Variants in SERINC4 observed in about 807,000 individuals in gnomAD.
SERINC4 encodes the protein serine incorporator 4.
A neutral mutation model predicts 52.0 loss-of-function variants in SERINC4; 52 were observed. That is an observed-to-expected ratio of 1.00 (90% CI 0.80 to 1.26). The LOEUF is 1.26. Among genes scored for constraint, SERINC4 ranks in the 50% most tolerant of loss-of-function variants. SERINC4 has a pLI of 0.00. For missense variants in SERINC4, 723 were observed against 632.8 expected, an observed-to-expected ratio of 1.14 and a Z score of -1.53; for synonymous variants, 264 against 247.7, an observed-to-expected ratio of 1.07 and a Z score of -0.62.
Position 43,798,505 on chromosome 15 carries a change from C to T in SERINC4, c.459-1G>A. 6.2e-7 allele frequency: 1 copy of T among 1,611,918 alleles called. No homozygotes were observed. Among genetic ancestry groups the T allele is most frequent in the Non-Finnish European group, 8.5e-7 (1 of 1,178,104 alleles). On this transcript the variant is annotated splice_acceptor_variant, in intron 3 of 11. Coordinates refer to ENST00000319327, the MANE Select transcript of SERINC4 (RefSeq NM_001258031.2). LOFTEE classifies it high-confidence loss of function. ...GAACAGCAGCTTGAGGAGCCAGAAG[C>T]TGGTTAGGAGGGAGAAAGAAAAACA... is the stretch of plus-strand genomic sequence containing the variant.
At chr15:43,798,034 GA>G in intron 4 of SERINC4, 21 bp from the exon 5 acceptor site, 9 of 1,556,550 alleles carry the variant, frequency 5.8e-6, no homozygotes, top group Non-Finnish European at 7.9e-6. Context: ...GGCACCAGTG[GA>G]AAAATGTCAA....
intron 1 of SERINC4, 182 bp from the exon 2 acceptor site, chr15:43,799,668 A>G: frequency 1.2e-6 from 1 of 851,722 alleles, no homozygotes; most frequent in Middle Eastern, 2.2e-4. Flanking sequence ...CCCACTGACA[A>G]CTTAGTAGGG....
At chr15:43,799,711 C>G in intron 1 of SERINC4, 174 bp downstream of exon 1, 1 of 820,048 alleles carries the variant, frequency 1.2e-6, no homozygotes, top group Non-Finnish European at 2.1e-6. Context: ...GATATCTGAC[C>G]TTTCTCTCGA....
chr15:43,797,477 C>G, intron 5 of SERINC4, 121 bp from the exon 6 acceptor site: 1 of 699,640 alleles, frequency 1.4e-6, no homozygotes, highest in South Asian at 1.9e-5. Flanking sequence ...ACTGCAACCT[C>G]CGCCTCTTGG....
In SERINC4 at chr15:43,799,308, A is replaced by G. The variant is rs1038973867; in HGVS notation, c.279+2T>C. The G allele has an allele frequency of 1.2e-5, 18 of 1,550,262 alleles. No individual in the cohort carries two copies. The highest frequency in any genetic ancestry group is 9.8e-5 in the Admixed American group (5 of 50,962). On this transcript the variant is annotated splice_donor_variant, in intron 2 of 11. Transcript: ENST00000319327. LOFTEE classifies it high-confidence loss of function. ...CTGACAACCCGACCCCCTCTCACTT[A>G]CCCTGTGTGTCTTGCCCCACACCCT...
In SERINC4 at chr15:43,799,419, G is replaced by A; in HGVS notation, c.170C>T (p.Ser57Phe). 1 of 1,550,808 alleles carries A rather than the reference G, an allele frequency of 6.4e-7. No individual in the cohort carries two copies. Among genetic ancestry groups the A allele is most frequent in the East Asian group, 2.4e-5 (1 of 40,924 alleles). ...CHSRWPSLTA[S>F]TCSRLFYILL... is the part of the protein sequence containing the mutation. ...GATGTAGAACAGGCGGCTGCAAGTG[G>A]ATGCGGTGAGAGAGGGCCACCTAGA... The change falls in exon 2 of 12, where the codon TCC becomes TTC. Residue 57 changes from serine (S) to phenylalanine (F), a missense_variant. Coordinates refer to ENST00000319327, the MANE Select transcript of SERINC4 (RefSeq NM_001258031.2).
chr15:43,796,190 G>A lies in SERINC4; in HGVS notation c.1105C>T (p.Leu369=), dbSNP rs2087211836. Residue 369 remains leucine (L), a synonymous_variant, in exon 9 of 12, where the codon CTG becomes TTG. Coordinates refer to ENST00000319327, the MANE Select transcript of SERINC4 (RefSeq NM_001258031.2). ...TAGCTGTAAACCTTGACAATCCACA[G>A]GGGTCCAAATACCTCAGCCAGGTAG... The part of the protein sequence containing the change: ...ASYLAEVFGP[L]WIVKVYSYEF... 2 of 1,613,942 alleles carry A rather than the reference G, an allele frequency of 1.2e-6. No homozygotes were observed. Among genetic ancestry groups the A allele is most frequent in the Non-Finnish European group, 1.7e-6 (2 of 1,179,864 alleles).
At position 43,799,930 on chromosome 15, in the gene SERINC4, C is replaced by T; in HGVS notation, c.57G>A (p.Gln19=). The part of the protein sequence containing the change: ...SPGTSLGLAQ[Q]HSGGSSVLVK... Reference sequence around the variant, plus strand: ...CTAGGACACTGCTGCCTCCGCTGTGCTGCTGTGCCAGGCCCAGGGAGGTGC... The same window carrying T: ...CTAGGACACTGCTGCCTCCGCTGTGTTGCTGTGCCAGGCCCAGGGAGGTGC... Residue 19 remains glutamine (Q), a synonymous_variant, in exon 1 of 12, where the codon CAG becomes CAA. Coordinates refer to ENST00000319327, the MANE Select transcript of SERINC4 (RefSeq NM_001258031.2). The T allele has an allele frequency of 6.5e-7, 1 of 1,549,752 alleles. No individual in the cohort carries two copies. Among genetic ancestry groups the T allele is most frequent in the East Asian group, 2.4e-5 (1 of 40,924 alleles).
At chr15:43,797,003 C>T in intron 6 of SERINC4, 63 bp from the exon 7 acceptor site, 1 of 1,497,034 alleles carries the variant, frequency 6.7e-7, no homozygotes, top group Non-Finnish European at 9.3e-7. Flanking sequence ...TCTACCCCCA[C>T]TTGTACTTCT....
At chr15:43,798,872 T>C in intron 3 of SERINC4, 87 bp downstream of exon 3, 3 of 1,313,360 alleles carry the variant, frequency 2.3e-6, no homozygotes, top group Non-Finnish European at 3.2e-6. Flanking sequence ...TTTACAGTGC[T>C]ATTACTTCAT....
chr15:43,797,320 C>T lies in SERINC4; in HGVS notation c.669G>A (p.Leu223=), dbSNP rs2087235499. 1.3e-6 allele frequency: 2 copies of T among 1,548,934 alleles called. No homozygotes were observed. Among genetic ancestry groups the T allele is most frequent in the East Asian group, 4.9e-5 (2 of 40,920 alleles). ...ATCCTAGGGTGGCCAGCAGGACAGC[C>T]AGGAACCAGCTACAGTCTTGAGCTG... ...TGAAQDCSWF[L]AVLLATLGFY... The change falls in exon 6 of 12, where the codon CTG becomes CTA. Residue 223 remains leucine (L), a synonymous_variant. Transcript: ENST00000319327.
chr15:43,797,395 ATTTT>A, intron 5 of SERINC4, 39 bp from the exon 6 acceptor site: 8 of 1,260,408 alleles, frequency 6.3e-6, no homozygotes, highest in Admixed American at 2.5e-5. Flanking sequence ...GAGCTCCAGC[ATTTT>A]TTTTTTTTTT....
chr15:43,797,329 G>C lies in SERINC4; in HGVS notation c.660C>G (p.Ser220Arg). 6.5e-7 allele frequency: 1 copy of C among 1,548,772 alleles called. No individual in the cohort carries two copies. Among genetic ancestry groups the C allele is most frequent in the East Asian group, 2.4e-5 (1 of 40,916 alleles). ...TGGCCAGCAGGACAGCCAGGAACCA[G>C]CTACAGTCTTGAGCTGCACCTGTCT... ...NWQTGAAQDC[S>R]WFLAVLLATL... is the part of the protein sequence containing the mutation. The change falls in exon 6 of 12, where the codon AGC (serine) becomes AGG (arginine). Residue 220 changes from serine (S) to arginine (R), a missense_variant. By Grantham distance (110) the Ser-to-Arg change is moderately radical. Transcript: ENST00000319327.
intron 4 of SERINC4, 182 bp downstream of exon 4, chr15:43,798,243 G>C: frequency 1.6e-6 from 1 of 629,144 alleles, no homozygotes; most frequent in Non-Finnish European, 2.9e-6. Flanking sequence ...TAGAGATGGG[G>C]TTTCACCATG....
rs143513498 is a variant in SERINC4, at chr15:43,795,181, A to G, written c.1376T>C (p.Ile459Thr). The G allele has an allele frequency of 9.9e-6, 16 of 1,614,024 alleles. No homozygotes were observed. The African/African-American group carries it at 2.1e-4, about 22-fold the overall frequency. ...CCAGAAGGTGGCCCAGCTACCCTTG[A>G]TGAAGGTCTTTTCCAGTTCTGCTCC... ...YEGAELEKTF[I>T]KGSWATFWVK... Residue 459 changes from isoleucine to threonine, a missense_variant, in exon 12 of 12, where the codon ATC (isoleucine) becomes ACC (threonine). Ile to Thr is a moderately conservative substitution (Grantham distance 89, BLOSUM62 -1). Transcript: ENST00000319327.
intron 4 of SERINC4, 22 bp downstream of exon 4, chr15:43,798,403 A>G (rs1282266175): frequency 1.9e-6 from 3 of 1,580,210 alleles, no homozygotes; most frequent in African/African-American, 1.3e-5. Context: ...TACTCCTGCC[A>G]AGAGTGTGGG....
At chr15:43,798,807 C>T in intron 3 of SERINC4, 152 bp downstream of exon 3, 2 of 781,804 alleles carry the variant, frequency 2.6e-6, no homozygotes, top group South Asian at 1.7e-5. Flanking sequence ...AAGTCTGGCT[C>T]AAGGTTACAC....
rs778859490 is a variant in SERINC4 at position 43,795,755 on chromosome 15, G to GT, written c.1141-20dup. On this transcript the variant is annotated intron_variant, in intron 9 of 11. Transcript: ENST00000319327. Reference sequence around the variant, plus strand: ...AGGGCTTCTGCAAAACAGAACGCAGGTTTTGGAATGGTCTTAAAAGATGTG... The same window carrying GT: ...AGGGCTTCTGCAAAACAGAACGCAGGTTTTTGGAATGGTCTTAAAAGATGTG... The GT allele has an allele frequency of 7.3e-5, 117 of 1,612,510 alleles. No individual in the cohort carries two copies. The highest frequency in any genetic ancestry group is 3.3e-4 in the Middle Eastern group (2 of 6,078).
intron 9 of SERINC4, 41 bp from the exon 10 acceptor site, chr15:43,795,777 T>C (rs1194276056): frequency 6.3e-7 from 1 of 1,596,532 alleles, no homozygotes; most frequent in Non-Finnish European, 8.6e-7. Context: ...TCTTAAAAGA[T>C]GTGAGGGTGT....
Sources: allele counts gnomAD v4.1 joint callset, GRCh38; gene constraint gnomAD v4.1.1; transcripts MANE v1.5; gene names NCBI Gene and HGNC (gene_info 2026-07-23, HGNC 2026-07-21).